RIN2: variants seen among roughly 807,000 people sequenced by gnomAD.
RIN2 encodes Ras and Rab interactor 2.
Under a neutral mutation model 78.0 loss-of-function variants are expected in RIN2, and 36 were observed. That is an observed-to-expected ratio of 0.46 (90% confidence interval 0.35 to 0.61). The LOEUF (loss-of-function observed/expected upper bound fraction) is 0.61, where lower values mean the gene tolerates loss of function less well. RIN2 is among the 20% of genes least tolerant of loss of function. RIN2 has a pLI of 0.00. For synonymous variants in RIN2, 466 were observed against 466.8 expected, an observed-to-expected ratio of 1.00 and a Z score of 0.02; for missense variants, 1,087 against 1,159.7, an observed-to-expected ratio of 0.94 and a Z score of 0.91.
At chr20:19,797,859 CTTTTTTTTTT>C (rs750371451) in intron 1 of RIN2, among the ~76,000 whole-genome samples, 1 of 128,114 alleles carries the variant, frequency 7.8e-6, no homozygotes. Context: ...TCTACTTAAT[CTTTTTTTTTT>C]TTTTTTTTTT....
At chr20:19,891,378 G>A (rs1001970780) in intron 3 of RIN2, among the ~76,000 whole-genome samples, 1 of 152,168 alleles carries the variant, frequency 6.6e-6, no homozygotes, top group Non-Finnish European at 1.5e-5. Context: ...CCTGTTAAGA[G>A]GGATGATCCA....
At chr20:19,784,134 A>T (rs1386019748) in intron 1 of RIN2, among the ~76,000 whole-genome samples, 2 of 152,212 alleles carry the variant, frequency 1.3e-5, no homozygotes, top group Non-Finnish European at 2.9e-5. Context: ...GGAAAATCAC[A>T]TGCGGCTTTG....
At chr20:19,834,672 T>G (rs2036351737) in intron 2 of RIN2, among the ~76,000 whole-genome samples, 1 of 152,218 alleles carries the variant, frequency 6.6e-6, no homozygotes, top group Non-Finnish European at 1.5e-5. Flanking sequence ...TGATCTTCGG[T>G]CTTTTTAGTT....
At chr20:19,995,017 A>G (rs2042911120) in intron 11 of RIN2, among the ~76,000 whole-genome samples, 2 of 151,976 alleles carry the variant, frequency 1.3e-5, no homozygotes, top group Non-Finnish European at 2.9e-5. Context: ...CAAGAAGGGT[A>G]TTTTTCTTTC....
chr20:19,844,596 T>TGCTGCTGCTGCTGCTG (rs1568806906), intron 2 of RIN2, among the ~76,000 whole-genome samples: 17 of 99,288 alleles, frequency 1.7e-4, no homozygotes, highest in African/African-American at 6.4e-4. Flanking sequence ...TGCTGCTGCT[T>TGCTGCTGCTGCTGCTG]CTTCCTCTTC....
intron 2 of RIN2, among the ~76,000 whole-genome samples, chr20:19,800,690 G>A (rs772174761): frequency 6.6e-6 from 1 of 152,170 alleles, no homozygotes; most frequent in African/African-American, 2.4e-5. Flanking sequence ...ATGCTAAATC[G>A]AGCAGAGATA....
intron 3 of RIN2, among the ~76,000 whole-genome samples, chr20:19,901,394 G>A (rs116613248): frequency 0.011 from 1,618 of 149,436 alleles, 25 homozygotes; most frequent in African/African-American, 0.038. Flanking sequence ...GGGTGACTCA[G>A]CCGAACAGAA....
chr20:19,998,498 C>A (rs2043042158), intron 12 of RIN2, among the ~76,000 whole-genome samples: 1 of 152,128 alleles, frequency 6.6e-6, no homozygotes, highest in African/African-American at 2.4e-5. Context: ...GTAGTCCCAG[C>A]TACTCAGGAG....
intron 2 of RIN2, among the ~76,000 whole-genome samples, chr20:19,806,312 G>A (rs2035408115): frequency 6.6e-6 from 1 of 152,144 alleles, no homozygotes; most frequent in African/African-American, 2.4e-5. Context: ...TTCCACAATG[G>A]TTGAACTAGT....
rs796635757 is a variant in RIN2, at chr20:19,988,929, A to ACACG, written c.1763-1074_1763-1073insGCAC. Among the ~76,000 whole-genome samples the ACACG allele has an allele frequency of 3.2e-3, 487 of 152,224 alleles. 2 individuals are homozygous for ACACG. Among genetic ancestry groups the ACACG allele is most frequent in the African/African-American group, 0.011 (462 of 41,518 alleles). On this transcript the variant is annotated intron_variant, in intron 9 of 12. Coordinates refer to ENST00000255006, the MANE Select transcript of RIN2 (RefSeq NM_018993.4). ...CACACACACACACACACGCGTGCAC[A>ACACG]CACACAGATACATGCACGTACACAT...
At chr20:19,822,702 C>T (rs1346864001) in intron 2 of RIN2, among the ~76,000 whole-genome samples, 2 of 152,054 alleles carry the variant, frequency 1.3e-5, no homozygotes, top group Non-Finnish European at 2.9e-5. Flanking sequence ...GTTAAAGCAC[C>T]AAATACATCT....
At chr20:19,954,209 A>G (rs2041442247) in intron 4 of RIN2, among the ~76,000 whole-genome samples, 1 of 152,186 alleles carries the variant, frequency 6.6e-6, no homozygotes, top group African/African-American at 2.4e-5. Flanking sequence ...GAAATATCAC[A>G]CTTCCTTCCT....
intron 1 of RIN2, among the ~76,000 whole-genome samples, chr20:19,788,439 A>AAAAAAAAAAAAACAAAAAAAAAAC (rs1555818733): frequency 2.3e-5 from 3 of 132,992 alleles, no homozygotes; most frequent in African/African-American, 6.5e-5. Context: ...TGCCAAAAAA[A>AAAAAAAAAAAAACAAAAAAAAAAC]AAAAAAAAAA....
At chr20:19,788,616 A>T (rs1199328399) in intron 1 of RIN2, among the ~76,000 whole-genome samples, 1 of 151,900 alleles carries the variant, frequency 6.6e-6, no homozygotes, top group Non-Finnish European at 1.5e-5. Context: ...AAAAAAAAAA[A>T]AATTAAAATT....
chr20:19,761,783 CT>C (rs915765662), intron 1 of RIN2, among the ~76,000 whole-genome samples: 2 of 152,204 alleles, frequency 1.3e-5, no homozygotes, highest in Admixed American at 1.3e-4. Flanking sequence ...TGAATAGGTT[CT>C]TTGGGTTTGA....
intron 2 of RIN2, among the ~76,000 whole-genome samples, chr20:19,869,819 T>G (rs1409730537): frequency 6.7e-5 from 10 of 149,178 alleles, no homozygotes; most frequent in African/African-American, 2.5e-4. Flanking sequence ...TTTATTTATT[T>G]ATTTATTTAT....
intron 11 of RIN2, among the ~76,000 whole-genome samples, chr20:19,994,668 C>T (rs1435209222): frequency 3.9e-5 from 6 of 152,178 alleles, no homozygotes; most frequent in Admixed American, 3.9e-4. Context: ...TCTCCGAGTC[C>T]TTGCTCAAAT....
chr20:19,891,900 G>T (rs985412927), intron 3 of RIN2, among the ~76,000 whole-genome samples: 1 of 152,206 alleles, frequency 6.6e-6, no homozygotes, highest in Admixed American at 6.5e-5. Flanking sequence ...TGCCCTGAGG[G>T]GCCCAATGTA....
chr20:19,808,887 C>A (rs2035498221), intron 2 of RIN2, among the ~76,000 whole-genome samples: 1 of 152,158 alleles, frequency 6.6e-6, no homozygotes, highest in Admixed American at 6.5e-5. Context: ...AGACGACATG[C>A]AGTGAAAAGA....
Sources: allele counts gnomAD v4.1 joint callset (sites outside exome capture counted in the v4.1 genomes callset), GRCh38; gene constraint gnomAD v4.1.1; transcripts MANE v1.5; gene names NCBI Gene and HGNC (gene_info 2026-07-23, HGNC 2026-07-21).